The following MCHR2 variants were observed in gnomAD, a reference collection of about 807,000 sequenced individuals.
MCHR2 encodes the protein melanin-concentrating hormone receptor 2.
Under a neutral mutation model 24.8 loss-of-function variants are expected in MCHR2, and 15 were observed. The ratio of observed to expected loss-of-function variants is 0.60; its 90% CI spans 0.40 to 0.93. The LOEUF (loss-of-function observed/expected upper bound fraction) is 0.93. MCHR2 is among the 40% of genes least tolerant of loss of function. The pLI is 0.00. For synonymous variants in MCHR2, 151 were observed against 147.6 expected (o/e 1.02, Z -0.17); for missense variants, 386 against 408.7 (o/e 0.94, Z 0.48).
intron 1 of MCHR2, among the ~76,000 whole-genome samples, chr6:99,977,413 G>T (rs1775571949): frequency 6.6e-6 from 1 of 152,118 alleles, no homozygotes; most frequent in East Asian, 1.9e-4. Context: ...ACTCTGCTTA[G>T]GAAGAACAGA....
chr6:99,972,252 C>T (rs575335425), intron 1 of MCHR2, among the ~76,000 whole-genome samples: 2 of 152,000 alleles, frequency 1.3e-5, no homozygotes, highest in African/African-American at 4.8e-5. Context: ...TGTTATTGGT[C>T]TATTCAGAGA....
intron 1 of MCHR2, among the ~76,000 whole-genome samples, chr6:99,973,955 G>A (rs1352405840): frequency 6.6e-6 from 1 of 152,202 alleles, no homozygotes; most frequent in African/African-American, 2.4e-5. Context: ...GCTTCCCTTT[G>A]TGGGTAACCC....
At chr6:99,940,123 C>T (rs371318630) in intron 4 of MCHR2, among the ~76,000 whole-genome samples, 3 of 151,890 alleles carry the variant, frequency 2.0e-5, no homozygotes, top group African/African-American at 7.2e-5. Flanking sequence ...TGGATATTTA[C>T]ATCTTTCTCA....
chr6:99,934,542 G>A, intron 4 of MCHR2, 25 bp from the exon 5 acceptor site: 1 of 1,530,036 alleles, frequency 6.5e-7, no homozygotes, highest in Non-Finnish European at 8.7e-7. Flanking sequence ...AGAGAAGAGA[G>A]AGAGAGAAAG....
In MCHR2 at chr6:99,921,137, G is replaced by C. The variant is rs200215660; in HGVS notation, c.826C>G (p.Gln276Glu). ...PYHVIQLVNL[Q>E]MEQPTLAFYV... Reference sequence around the variant, plus strand: ...AAGGCCAGTGTGGGCTGTTCCATCTGTAAGTTCACCAGTTGTATCACATGA... The same window carrying C: ...AAGGCCAGTGTGGGCTGTTCCATCTCTAAGTTCACCAGTTGTATCACATGA... Residue 276 changes from glutamine (Q) to glutamate (E), a missense_variant, in exon 6 of 6, where the codon CAG becomes GAG. Gln to Glu is a conservative substitution (Grantham distance 29). Transcript: ENST00000281806. 2.5e-6 allele frequency: 4 copies of C among 1,614,168 alleles called. No homozygotes were observed. Among genetic ancestry groups the C allele is most frequent in the Non-Finnish European group, 3.4e-6 (4 of 1,180,026 alleles).
chr6:99,981,403 G>C (rs945587248), intron 1 of MCHR2, among the ~76,000 whole-genome samples: 1 of 152,162 alleles, frequency 6.6e-6, no homozygotes, highest in Non-Finnish European at 1.5e-5. Context: ...ACAGTGGCTT[G>C]TGACTGGAGC....
intron 1 of MCHR2, among the ~76,000 whole-genome samples, chr6:99,968,715 A>G (rs1305054802): frequency 6.6e-6 from 1 of 152,206 alleles, no homozygotes; most frequent in East Asian, 1.9e-4. Flanking sequence ...ACAAATGTCA[A>G]GATAGACCAT....
intron 2 of MCHR2, among the ~76,000 whole-genome samples, chr6:99,954,905 T>A (rs6932128): frequency 1.3e-5 from 2 of 152,224 alleles, no homozygotes; most frequent in East Asian, 3.9e-4. Context: ...AAGGTATAAG[T>A]GAGACATAAT....
At chr6:99,931,552 C>G (rs1195323270) in intron 5 of MCHR2, among the ~76,000 whole-genome samples, 1 of 152,142 alleles carries the variant, frequency 6.6e-6, no homozygotes, top group Non-Finnish European at 1.5e-5. Flanking sequence ...GGCGGGCAAC[C>G]CTCCCCCACC....
Position 99,919,070 on chromosome 6 carries a change from C to T in MCHR2, c.*1870G>A, listed in dbSNP as rs185977755. 5.0e-4 allele frequency among the ~76,000 whole-genome samples: 76 copies of T among 152,260 alleles called. No homozygotes were observed. Among genetic ancestry groups the T allele is most frequent in the African/African-American group, 1.7e-3 (69 of 41,542 alleles). ...AGAAGTCAATATTATTCACTGAGCC[C>T]GGACTGTTGCATCTTAGAAAAGTGA... is the stretch of plus-strand genomic sequence containing the variant. On this transcript the variant is annotated 3_prime_UTR_variant, in exon 6 of 6. Transcript: ENST00000281806.
rs193206198 is a variant in MCHR2, at chr6:99,992,438, T to C, written c.-28+1498A>G. Among the ~76,000 whole-genome samples the C allele has an allele frequency of 6.3e-4, 96 of 152,326 alleles. 1 individual carries two copies. The highest frequency in any genetic ancestry group is 5.9e-3 in the Admixed American group (90 of 15,306). On this transcript the variant is annotated intron_variant, in intron 1 of 5. Coordinates refer to ENST00000281806, the MANE Select transcript of MCHR2 (RefSeq NM_001040179.2). Reference sequence around the variant, plus strand: ...AAAATAGACACTGGACTTAGCAGTATACACAACAGACCTCCCCTCAAAATC... The same window carrying C: ...AAAATAGACACTGGACTTAGCAGTACACACAACAGACCTCCCCTCAAAATC...
intron 3 of MCHR2, among the ~76,000 whole-genome samples, chr6:99,946,589 T>C (rs1486865173): frequency 6.6e-6 from 1 of 152,108 alleles, no homozygotes; most frequent in East Asian, 1.9e-4. Flanking sequence ...AGCACCTGAG[T>C]GCCAGGCACT....
chr6:99,923,375 C>T (rs1477083442), intron 5 of MCHR2, among the ~76,000 whole-genome samples: 1 of 151,970 alleles, frequency 6.6e-6, no homozygotes, highest in Non-Finnish European at 1.5e-5. Flanking sequence ...ATTCGGATGT[C>T]CTTTATTTCT....
chr6:99,960,273 A>C (rs1398661490), intron 1 of MCHR2, among the ~76,000 whole-genome samples: 2 of 152,202 alleles, frequency 1.3e-5, no homozygotes, highest in African/African-American at 4.8e-5. Context: ...TAAAGACTTT[A>C]TCAGATAACA....
intron 1 of MCHR2, among the ~76,000 whole-genome samples, chr6:99,981,857 C>T (rs1417909257): frequency 6.6e-6 from 1 of 152,180 alleles, no homozygotes; most frequent in Non-Finnish European, 1.5e-5. Flanking sequence ...TTTCTGTATA[C>T]TGTCAGGCTT....
intron 2 of MCHR2, among the ~76,000 whole-genome samples, chr6:99,949,933 A>AG (rs397819579): frequency 1.3e-5 from 2 of 151,552 alleles, no homozygotes; most frequent in Non-Finnish European, 2.9e-5. Context: ...AAAAAAAAAA[A>AG]TCATAAATCT....
In MCHR2 at chr6:99,933,807, A is replaced by G. The variant is rs148481726; in HGVS notation, c.707+591T>C. Among the ~76,000 whole-genome samples the G allele has an allele frequency of 9.9e-5, 15 of 152,254 alleles. No homozygotes were observed. The East Asian group carries it at 1.5e-3, about 16-fold the overall frequency. On this transcript the variant is annotated intron_variant, in intron 5 of 5. Coordinates refer to ENST00000281806, the MANE Select transcript of MCHR2 (RefSeq NM_001040179.2). ...AATTACTGACTTATTCATTTGAACA[A>G]GTAGATTGTGGAATACACAATCTCA...
chr6:99,924,943 A>G (rs1013525433), intron 5 of MCHR2, among the ~76,000 whole-genome samples: 1 of 152,094 alleles, frequency 6.6e-6, no homozygotes, highest in Non-Finnish European at 1.5e-5. Context: ...ATTAAGTCCA[A>G]TGTTTCTTTG....
intron 1 of MCHR2, among the ~76,000 whole-genome samples, chr6:99,974,507 T>A (rs1775506181): frequency 6.6e-6 from 1 of 152,218 alleles, no homozygotes; most frequent in Non-Finnish European, 1.5e-5. Flanking sequence ...TGGTTTGAAT[T>A]TCCTCCTGTA....
Sources: allele counts gnomAD v4.1 joint callset (sites outside exome capture counted in the v4.1 genomes callset), GRCh38; gene constraint gnomAD v4.1.1; transcripts MANE v1.5; gene names NCBI Gene and HGNC (gene_info 2026-07-23, HGNC 2026-07-21).